The following PIK3C2G variants were observed in gnomAD, a reference collection of about 807,000 sequenced individuals.
PIK3C2G encodes phosphatidylinositol-4-phosphate 3-kinase catalytic subunit type 2 gamma, also known as phosphatidylinositol 3-kinase C2 domain-containing subunit gamma.
Under a neutral mutation model 181.1 loss-of-function variants are expected in PIK3C2G, and 168 were observed. The ratio of observed to expected loss-of-function variants is 0.93; its 90% CI spans 0.82 to 1.05. The LOEUF is 1.05. Ranked by LOEUF, PIK3C2G falls within the 50% of genes least tolerant of loss-of-function variation. The pLI is 0.00. For missense variants in PIK3C2G, 1,869 were observed against 1,732.8 expected (o/e 1.08, Z -1.40); for synonymous variants, 573 against 592.2 (o/e 0.97, Z 0.47).
chr12:18,697,886 A>AT, the PIK3C2G span, among the ~76,000 whole-genome samples: 74,176 of 151,778 alleles, frequency 0.49, 19,230 homozygotes, highest in African/African-American at 0.67. Context: ...ATTATTTACT[A>AT]TAACTTTTGG....
chr12:18,503,249 A>G, intron 22 of PIK3C2G, 32 bp from the exon 23 acceptor site: 2 of 1,546,752 alleles, frequency 1.3e-6, no homozygotes, highest in South Asian at 1.2e-5. Context: ...TGATGAAGGA[A>G]TTGTCTCTGT....
At chr12:18,267,452 TG>T (rs1948552476) in intron 1 of PIK3C2G, among the ~76,000 whole-genome samples, 1 of 152,230 alleles carries the variant, frequency 6.6e-6, no homozygotes, top group South Asian at 2.1e-4. Context: ...TCTTCTTTTA[TG>T]TCTTGATAAG....
chr12:18,628,747 C>T (rs1394758581), intron 31 of PIK3C2G, among the ~76,000 whole-genome samples: 1 of 152,058 alleles, frequency 6.6e-6, no homozygotes. Context: ...AGTAGTGGGA[C>T]ACCTTTTTAA....
At chr12:18,664,156 G>A in the PIK3C2G span, among the ~76,000 whole-genome samples, 2 of 152,286 alleles carry the variant, frequency 1.3e-5, no homozygotes, top group East Asian at 3.9e-4. Context: ...GAATTGGAAC[G>A]CTTATGTACT....
chr12:18,313,929 GGA>G, intron 5 of PIK3C2G, 31 bp from the exon 6 acceptor site: 1 of 1,026,878 alleles, frequency 9.7e-7, no homozygotes, highest in South Asian at 1.4e-5. Flanking sequence ...TATTATGGGA[GGA>G]TATGATTGTG....
chr12:18,285,971 G>A (rs1024554276), intron 2 of PIK3C2G, among the ~76,000 whole-genome samples: 1 of 151,774 alleles, frequency 6.6e-6, no homozygotes, highest in Non-Finnish European at 1.5e-5. Flanking sequence ...GGCAGAGATA[G>A]ATTGAAAGTA....
At chr12:18,298,366 A>C (rs1446593833) in intron 5 of PIK3C2G, among the ~76,000 whole-genome samples, 1 of 144,430 alleles carries the variant, frequency 6.9e-6, no homozygotes, top group Non-Finnish European at 1.5e-5. Context: ...CCACTTTTTG[A>C]TGGGATTATT....
At chr12:18,537,666 A>G (rs1006578035) in intron 24 of PIK3C2G, among the ~76,000 whole-genome samples, 4 of 151,960 alleles carry the variant, frequency 2.6e-5, no homozygotes, top group African/African-American at 9.7e-5. Flanking sequence ...TTCACTAAGC[A>G]TATGCCAGTG....
At chr12:18,545,777 G>A (rs1417887982) in intron 25 of PIK3C2G, among the ~76,000 whole-genome samples, 3 of 151,902 alleles carry the variant, frequency 2.0e-5, no homozygotes, top group East Asian at 1.9e-4. Flanking sequence ...GAACCAGAGC[G>A]GTGAGTTTTA....
At chr12:18,284,306 C>T (rs1338124025) in intron 2 of PIK3C2G, among the ~76,000 whole-genome samples, 1 of 151,998 alleles carries the variant, frequency 6.6e-6, no homozygotes, top group Non-Finnish European at 1.5e-5. Flanking sequence ...AAAACTCATG[C>T]TCTAAAATCA....
At chr12:18,500,735 A>C (rs1342594488) in intron 22 of PIK3C2G, among the ~76,000 whole-genome samples, 1 of 152,122 alleles carries the variant, frequency 6.6e-6, no homozygotes, top group East Asian at 1.9e-4. Flanking sequence ...AGATAAAAGA[A>C]TAAAAGCAGG....
At chr12:18,346,608 T>C in intron 10 of PIK3C2G, 33 bp from the exon 11 acceptor site, 1 of 1,355,970 alleles carries the variant, frequency 7.4e-7, no homozygotes, top group Non-Finnish European at 1.0e-6. Context: ...ATGGCCCTTC[T>C]TAGTGACTTG....
intron 30 of PIK3C2G, among the ~76,000 whole-genome samples, chr12:18,602,133 C>A (rs1364499756): frequency 6.6e-6 from 1 of 151,990 alleles, no homozygotes; most frequent in Non-Finnish European, 1.5e-5. Context: ...AGGTGGAAAG[C>A]TTTGGGCAAC....
chr12:18,707,015 T>C, the PIK3C2G span, among the ~76,000 whole-genome samples: 1 of 152,162 alleles, frequency 6.6e-6, no homozygotes, highest in Non-Finnish European at 1.5e-5. Context: ...TGGCCACATC[T>C]CTCTAATCTC....
At chr12:18,604,861 C>T (rs1947928813) in intron 30 of PIK3C2G, among the ~76,000 whole-genome samples, 1 of 152,228 alleles carries the variant, frequency 6.6e-6, no homozygotes, top group Non-Finnish European at 1.5e-5. Flanking sequence ...ACAGTAATGA[C>T]ACAACCTATC....
chr12:18,304,535 G>A (rs1412057041), intron 5 of PIK3C2G, among the ~76,000 whole-genome samples: 2 of 152,328 alleles, frequency 1.3e-5, no homozygotes, highest in East Asian at 1.9e-4. Flanking sequence ...GGGATTACAG[G>A]CGTGAGCTAC....
chr12:18,652,881 G>T (rs1565605111), downstream of PIK3C2G, among the ~76,000 whole-genome samples: 1 of 151,634 alleles, frequency 6.6e-6, no homozygotes, highest in African/African-American at 2.4e-5. Context: ...ATCTTACATT[G>T]AACATATACA....
rs112293541 is a variant in PIK3C2G, at chr12:18,427,723, G to A, written c.2504+3684G>A. On this transcript the variant is annotated intron_variant, in intron 18 of 32. Transcript: ENST00000538779. Reference sequence around the variant, plus strand: ...TGCAAATTCATGTAAACACAATTACGTCACTGTTTCCAAAAAGGTTGGAAG... The same window carrying A: ...TGCAAATTCATGTAAACACAATTACATCACTGTTTCCAAAAAGGTTGGAAG... Among the ~76,000 whole-genome samples, 30 of 151,754 alleles carry A rather than the reference G, an allele frequency of 2.0e-4. 1 individual carries two copies. The highest frequency in any genetic ancestry group is 9.8e-4 in the Admixed American group (15 of 15,240).
the PIK3C2G span, among the ~76,000 whole-genome samples, chr12:18,706,236 A>C: frequency 4.0e-4 from 60 of 151,460 alleles, no homozygotes; most frequent in Middle Eastern, 3.4e-3. Context: ...TGTCTCAAAA[A>C]TAAAAATAAA....
Sources: allele counts gnomAD v4.1 joint callset (sites outside exome capture counted in the v4.1 genomes callset), GRCh38; gene constraint gnomAD v4.1.1; transcripts MANE v1.5; gene names NCBI Gene and HGNC (gene_info 2026-07-23, HGNC 2026-07-21).